DGKB: variants seen among roughly 807,000 people sequenced by gnomAD.
DGKB encodes the protein diacylglycerol kinase beta.
In DGKB, 67 loss-of-function variants were observed where a neutral mutation model predicts 114.3. That is an observed-to-expected ratio of 0.59 (90% CI 0.48 to 0.72). The LOEUF is 0.72. Ranked by LOEUF, DGKB falls within the 30% of genes least tolerant of loss-of-function variation. DGKB has a pLI of 0.00. For missense variants in DGKB, 907 were observed against 975.2 expected, an observed-to-expected ratio of 0.93 and a Z score of 0.93; for synonymous variants, 398 against 323.1, an observed-to-expected ratio of 1.23 and a Z score of -2.49.
At chr7:14,320,842 T>C (rs1036320695) in intron 23 of DGKB, among the ~76,000 whole-genome samples, 4 of 152,012 alleles carry the variant, frequency 2.6e-5, no homozygotes, top group African/African-American at 4.8e-5. Flanking sequence ...AACCTAATGA[T>C]GACATGATAG....
chr7:14,220,380 A>G (rs1789739874), intron 23 of DGKB, among the ~76,000 whole-genome samples: 1 of 151,504 alleles, frequency 6.6e-6, no homozygotes, highest in South Asian at 2.1e-4. Context: ...GTTGAAGACT[A>G]TTGTCTCCAT....
intron 23 of DGKB, among the ~76,000 whole-genome samples, chr7:14,276,646 T>C: frequency 6.6e-6 from 1 of 150,442 alleles, no homozygotes; most frequent in Non-Finnish European, 1.5e-5. Flanking sequence ...TATGAATGGT[T>C]TCTAATTTTT....
At position 14,372,179 on chromosome 7, in the gene DGKB, A is replaced by T. The variant is rs1817766397; in HGVS notation, c.1836-26788T>A. ...GTGGAAATGTGAGTCACAGAGGGAG[A>T]CTCTCTGTCCCTCTCACCTACCCGG... On this transcript the variant is annotated intron_variant, in intron 21 of 25. Coordinates refer to ENST00000402815, the MANE Select transcript of DGKB (RefSeq NM_001350709.2). Among the ~76,000 whole-genome samples the T allele has an allele frequency of 3.3e-5, 5 of 151,402 alleles. No individual in the cohort carries two copies. In the South Asian group the frequency reaches 1.0e-3, roughly 32 times the overall value.
At chr7:14,390,851 G>C (rs1002346377) in intron 21 of DGKB, among the ~76,000 whole-genome samples, 2 of 152,110 alleles carry the variant, frequency 1.3e-5, no homozygotes, top group Non-Finnish European at 2.9e-5. Flanking sequence ...TTAGAAGGTA[G>C]AATATGTATG....
At chr7:14,801,498 T>C (rs568111227) in intron 2 of DGKB, among the ~76,000 whole-genome samples, 3 of 152,250 alleles carry the variant, frequency 2.0e-5, no homozygotes, top group Non-Finnish European at 2.9e-5. Flanking sequence ...CTTAGTAAAA[T>C]AGATTGCCCT....
intron 23 of DGKB, among the ~76,000 whole-genome samples, chr7:14,327,375 T>G (rs1211447046): frequency 6.6e-6 from 1 of 152,112 alleles, no homozygotes; most frequent in Non-Finnish European, 1.5e-5. Flanking sequence ...AAGAATTTAT[T>G]AAAAACCTTT....
intron 23 of DGKB, among the ~76,000 whole-genome samples, chr7:14,257,114 G>T (rs1346421978): frequency 6.6e-6 from 1 of 152,090 alleles, no homozygotes; most frequent in African/African-American, 2.4e-5. Context: ...AGTGAGCTAT[G>T]ATCTTGCCAA....
intron 13 of DGKB, among the ~76,000 whole-genome samples, chr7:14,644,267 G>C (rs1227172215): frequency 1.3e-5 from 2 of 152,136 alleles, no homozygotes; most frequent in African/African-American, 4.8e-5. Flanking sequence ...AGAAGTGACA[G>C]CTATATCAGA....
intron 2 of DGKB, among the ~76,000 whole-genome samples, chr7:14,767,112 G>A (rs147210018): frequency 6.6e-6 from 1 of 151,254 alleles, no homozygotes; most frequent in Non-Finnish European, 1.5e-5. Flanking sequence ...TAGCTGGACT[G>A]CAAGAAGTGA....
chr7:14,723,527 T>G (rs182442599), intron 5 of DGKB, among the ~76,000 whole-genome samples: 306 of 152,180 alleles, frequency 2.0e-3, no homozygotes, highest in Middle Eastern at 6.8e-3. Context: ...ACTTTAAATA[T>G]TTCATCACAA....
intron 20 of DGKB, among the ~76,000 whole-genome samples, chr7:14,506,745 T>C (rs1787138752): frequency 6.6e-6 from 1 of 152,164 alleles, no homozygotes; most frequent in Middle Eastern, 3.2e-3. Flanking sequence ...CCTTGGAATT[T>C]TCCACACAAA....
intron 3 of DGKB, among the ~76,000 whole-genome samples, chr7:14,754,467 T>C (rs17168390): frequency 6.6e-6 from 1 of 152,144 alleles, no homozygotes; most frequent in Non-Finnish European, 1.5e-5. Context: ...CTAGCATCTC[T>C]CCATACTCTT....
chr7:14,434,178 C>G (rs962491723), intron 21 of DGKB, among the ~76,000 whole-genome samples: 9 of 152,106 alleles, frequency 5.9e-5, no homozygotes, highest in Non-Finnish European at 1.3e-4. Context: ...GACAAGCAAA[C>G]TGTTTGCCAC....
At chr7:14,293,227 A>C (rs999811446) in intron 23 of DGKB, among the ~76,000 whole-genome samples, 5 of 152,184 alleles carry the variant, frequency 3.3e-5, no homozygotes, top group African/African-American at 9.6e-5. Context: ...AAATTCACTC[A>C]CATAAAAGCA....
At chr7:14,417,400 G>A (rs1332796538) in intron 21 of DGKB, among the ~76,000 whole-genome samples, 1 of 152,034 alleles carries the variant, frequency 6.6e-6, no homozygotes, top group East Asian at 1.9e-4. Flanking sequence ...TCCTGGCTCA[G>A]TGAACTAAGC....
At chr7:14,578,988 T>C (rs1052328169) in intron 19 of DGKB, among the ~76,000 whole-genome samples, 10 of 152,200 alleles carry the variant, frequency 6.6e-5, no homozygotes, top group African/African-American at 2.4e-4. Context: ...CATTCCTTCC[T>C]TCAGTCCTTG....
In DGKB at chr7:14,835,863, G is replaced by C. The variant is rs1847087880; in HGVS notation, c.70+5331C>G. 2.0e-5 allele frequency among the ~76,000 whole-genome samples: 3 copies of C among 152,122 alleles called. 1 individual carries two copies. Among genetic ancestry groups the C allele is most frequent in the South Asian group, 4.1e-4 (2 of 4,834 alleles). ...CTTTGTTATCACTTATTGTGCCACA[G>C]TTCTGGTCCAGCTACTCTGCCATAA... is the stretch of plus-strand genomic sequence containing the variant. On this transcript the variant is annotated intron_variant, in intron 2 of 25. Transcript: ENST00000402815.
At chr7:14,476,357 C>A (rs1782170386) in intron 21 of DGKB, among the ~76,000 whole-genome samples, 1 of 151,924 alleles carries the variant, frequency 6.6e-6, no homozygotes, top group African/African-American at 2.4e-5. Context: ...GTTTCATGAA[C>A]TGAAACTAAA....
intron 13 of DGKB, among the ~76,000 whole-genome samples, chr7:14,645,267 T>C (rs1563773466): frequency 2.0e-5 from 3 of 152,164 alleles, no homozygotes; most frequent in Non-Finnish European, 4.4e-5. Context: ...TCTTACTCAC[T>C]TTCTGGTGTG....
Sources: allele counts gnomAD v4.1 joint callset (sites outside exome capture counted in the v4.1 genomes callset), GRCh38; gene constraint gnomAD v4.1.1; transcripts MANE v1.5; gene names NCBI Gene and HGNC (gene_info 2026-07-23, HGNC 2026-07-21).